The following WDR49 variants were observed in gnomAD, a reference collection of about 807,000 sequenced individuals.
WDR49 encodes WD repeat domain 49, also known as cilia- and flagella-associated protein 337.
Under a neutral mutation model 119.5 loss-of-function variants are expected in WDR49, and 107 were observed. The ratio of observed to expected loss-of-function variants is 0.90; its 90% CI spans 0.77 to 1.05. The LOEUF (loss-of-function observed/expected upper bound fraction) is 1.05. Ranked by LOEUF, WDR49 falls within the 50% of genes least tolerant of loss-of-function variation. The probability of loss-of-function intolerance (pLI) is 0.00; values close to 1 mark genes in which losing one functional copy is unlikely to be tolerated. For synonymous variants in WDR49, 425 were observed against 418.8 expected (o/e 1.01, Z -0.18); for missense variants, 1,240 against 1,220.5 (o/e 1.02, Z -0.24).
chr3:167,586,685 T>C (rs2108292746), intron 7 of WDR49, among the ~76,000 whole-genome samples: 1 of 152,334 alleles, frequency 6.6e-6, no homozygotes, highest in East Asian at 1.9e-4. Flanking sequence ...GCATTGTTGT[T>C]TGTTGTAAAG....
At chr3:167,493,620 A>G (rs772192934) in intron 18 of WDR49, among the ~76,000 whole-genome samples, 4 of 152,126 alleles carry the variant, frequency 2.6e-5, no homozygotes, top group Non-Finnish European at 5.9e-5. Flanking sequence ...TCATTTTCCT[A>G]TTCCTATATT....
chr3:167,647,987 A>G (rs1318839157), intron 2 of WDR49, among the ~76,000 whole-genome samples: 1 of 152,104 alleles, frequency 6.6e-6, no homozygotes, highest in Non-Finnish European at 1.5e-5. Flanking sequence ...TGTTTAGGAA[A>G]TCTTTATCCT....
intron 7 of WDR49, among the ~76,000 whole-genome samples, chr3:167,596,106 A>C (rs1313845945): frequency 1.3e-5 from 2 of 149,506 alleles, no homozygotes; most frequent in African/African-American, 4.9e-5. Context: ...GCAGCCAAAA[A>C]ACACATGAAA....
intron 5 of WDR49, among the ~76,000 whole-genome samples, chr3:167,616,737 T>G (rs1577279823): frequency 6.6e-6 from 1 of 152,202 alleles, no homozygotes; most frequent in East Asian, 1.9e-4. Context: ...TTTAATGAAT[T>G]TTAACCAGTA....
intron 7 of WDR49, among the ~76,000 whole-genome samples, chr3:167,597,195 C>G (rs1272265055): frequency 6.6e-6 from 1 of 152,222 alleles, no homozygotes; most frequent in African/African-American, 2.4e-5. Context: ...TGCATCCCAG[C>G]TGCTCCAGCT....
At chr3:167,584,955 AT>A (rs1714730029) in intron 7 of WDR49, among the ~76,000 whole-genome samples, 2 of 151,958 alleles carry the variant, frequency 1.3e-5, no homozygotes, top group Non-Finnish European at 2.9e-5. Flanking sequence ...ATAGCTTAAC[AT>A]TTTTTATTAT....
At chr3:167,589,520 C>A (rs1030097011) in intron 7 of WDR49, among the ~76,000 whole-genome samples, 4 of 152,032 alleles carry the variant, frequency 2.6e-5, no homozygotes, top group African/African-American at 9.7e-5. Context: ...CTGTATATTG[C>A]TTTTGGTAAT....
At chr3:167,561,683 A>G (rs1393710719) in intron 8 of WDR49, among the ~76,000 whole-genome samples, 1 of 152,122 alleles carries the variant, frequency 6.6e-6, no homozygotes, top group Non-Finnish European at 1.5e-5. Flanking sequence ...AGATGGAGAC[A>G]TGTATTTATT....
intron 18 of WDR49, among the ~76,000 whole-genome samples, chr3:167,482,111 A>G (rs983489851): frequency 1.3e-5 from 2 of 152,200 alleles, no homozygotes; most frequent in African/African-American, 4.8e-5. Context: ...CTTTAGAGAT[A>G]AAGAGGAAAT....
At chr3:167,636,738 C>T (rs1222629914) in intron 2 of WDR49, among the ~76,000 whole-genome samples, 1 of 151,530 alleles carries the variant, frequency 6.6e-6, no homozygotes, top group African/African-American at 2.4e-5. Flanking sequence ...TTCTCCTGAT[C>T]ATTAGTAATG....
At chr3:167,521,976 A>AGAT (rs1752456863) in intron 16 of WDR49, among the ~76,000 whole-genome samples, 1 of 117,612 alleles carries the variant, frequency 8.5e-6, no homozygotes, top group Non-Finnish European at 1.8e-5. Context: ...ATAGATAGAT[A>AGAT]GATAGATAGA....
chr3:167,604,883 C>A (rs1342911967), intron 5 of WDR49, among the ~76,000 whole-genome samples: 1 of 152,054 alleles, frequency 6.6e-6, no homozygotes, highest in Non-Finnish European at 1.5e-5. Flanking sequence ...TCTGATGGTG[C>A]CTTAATCTTT....
chr3:167,534,927 G>A (rs977598103), intron 11 of WDR49, among the ~76,000 whole-genome samples: 5 of 152,218 alleles, frequency 3.3e-5, no homozygotes, highest in East Asian at 3.9e-4. Context: ...TGCCACCAAC[G>A]TGTGATTCGT....
intron 7 of WDR49, among the ~76,000 whole-genome samples, chr3:167,585,743 G>A (rs1324091054): frequency 6.6e-6 from 1 of 151,572 alleles, no homozygotes; most frequent in Non-Finnish European, 1.5e-5. Context: ...TTGTTATAAT[G>A]ACATATTATT....
chr3:167,576,065 G>A lies in WDR49; in HGVS notation c.1362C>T (p.Leu454=). 1 of 1,614,188 alleles carries A rather than the reference G, an allele frequency of 6.2e-7. No homozygotes were observed. The highest frequency in any genetic ancestry group is 8.5e-7 in the Non-Finnish European group (1 of 1,180,024). The change falls in exon 8 of 19, where the codon CTC becomes CTT. Residue 454 remains leucine, a synonymous_variant. Coordinates refer to ENST00000682715, the MANE Select transcript of WDR49 (RefSeq NM_001366157.1). Reference sequence around the variant, plus strand: ...GTCCATGGGCTTCATCAAAGTGGAAGAGACATCTGAAGTCCTGACTTTTGG... The same window carrying A: ...GTCCATGGGCTTCATCAAAGTGGAAAAGACATCTGAAGTCCTGACTTTTGG... The part of the protein sequence containing the change: ...SFPKSQDFRC[L]FHFDEAHGRL...
chr3:167,503,964 T>C (rs1490615012), intron 17 of WDR49, among the ~76,000 whole-genome samples: 1 of 152,230 alleles, frequency 6.6e-6, no homozygotes, highest in Non-Finnish European at 1.5e-5. Context: ...ATTAGCATTT[T>C]AGTGAGCTCT....
At chr3:167,554,138 G>C (rs909988108) in intron 10 of WDR49, among the ~76,000 whole-genome samples, 20 of 152,020 alleles carry the variant, frequency 1.3e-4, no homozygotes, top group Non-Finnish European at 2.6e-4. Flanking sequence ...AAAAAAAAAG[G>C]AAGGAAAAGT....
chr3:167,485,162 G>C (rs1437974580), intron 18 of WDR49, among the ~76,000 whole-genome samples: 1 of 152,046 alleles, frequency 6.6e-6, no homozygotes, highest in African/African-American at 2.4e-5. Context: ...ATGGACACAG[G>C]GTGGAGAACA....
intron 7 of WDR49, among the ~76,000 whole-genome samples, chr3:167,583,682 C>T (rs1417459775): frequency 1.3e-5 from 2 of 152,104 alleles, no homozygotes; most frequent in Non-Finnish European, 2.9e-5. Context: ...GAAAGAACAA[C>T]AACCAGAAGC....
Sources: allele counts gnomAD v4.1 joint callset (sites outside exome capture counted in the v4.1 genomes callset), GRCh38; gene constraint gnomAD v4.1.1; transcripts MANE v1.5; gene names NCBI Gene and HGNC (gene_info 2026-07-23, HGNC 2026-07-21).